Variants in SH3GLB1 observed in about 807,000 individuals in gnomAD.
SH3GLB1 encodes SH3 domain containing GRB2 like, endophilin B1.
A neutral mutation model predicts 42.0 loss-of-function variants in SH3GLB1; 17 were observed. That is an observed-to-expected ratio of 0.40 (90% CI 0.28 to 0.61). The LOEUF (loss-of-function observed/expected upper bound fraction) is 0.61. Among genes scored for constraint, SH3GLB1 ranks in the 20% least tolerant of loss-of-function variants. SH3GLB1 has a pLI of 0.36. For synonymous variants in SH3GLB1, 132 were observed against 146.6 expected, an observed-to-expected ratio of 0.90 and a Z score of 0.72; for missense variants, 355 against 426.3, an observed-to-expected ratio of 0.83 and a Z score of 1.47.
chr1:86,716,168 T>C (rs1654516811), intron 2 of SH3GLB1, among the ~76,000 whole-genome samples: 1 of 152,270 alleles, frequency 6.6e-6, no homozygotes, highest in Non-Finnish European at 1.5e-5. Context: ...CTTTTTCATC[T>C]AGGGAAGAAT....
chr1:86,742,472 C>A (rs774231102), intron 8 of SH3GLB1, 36 bp downstream of exon 8: 56 of 1,468,050 alleles, frequency 3.8e-5, no homozygotes, highest in Non-Finnish European at 5.3e-5. Context: ...AAATATATCA[C>A]GAATTGACAT....
In SH3GLB1 at chr1:86,747,295, T is replaced by C. The variant is rs188996159; in HGVS notation, c.*4060T>C. 1 of 152,598 alleles carries C rather than the reference T, an allele frequency of 6.6e-6. No homozygotes were observed. The highest frequency in any genetic ancestry group is 1.5e-5 in the Non-Finnish European group (1 of 68,044). The allele number at this position is 152,598 out of a possible 1,614,324, so 9.5% of individuals were successfully genotyped here. A position where few individuals can be genotyped will look rare whatever the true frequency, so the allele number is the denominator to read the frequency against. On this transcript the variant is annotated 3_prime_UTR_variant, in exon 9 of 9. Transcript: ENST00000370558. The stretch of plus-strand genomic sequence containing the variant: ...AAATTTTTGTTGAATGAAAGAAAAA[T>C]GCAAATTTATAAGCCTTTTCAGAGA...
intron 7 of SH3GLB1, among the ~76,000 whole-genome samples, chr1:86,735,415 A>T (rs1390627129): frequency 6.6e-6 from 1 of 152,196 alleles, no homozygotes; most frequent in Non-Finnish European, 1.5e-5. Flanking sequence ...CAGTGCTGTA[A>T]GGTTAAAAGT....
Position 86,728,375 on chromosome 1 carries a change from GTTCT to G in SH3GLB1, c.570+3973_570+3976del, listed in dbSNP as rs772008494. On this transcript the variant is annotated intron_variant, in intron 5 of 8. Transcript: ENST00000370558. ...TTCACTGTGTTCATTGGTATAATGT[GTTCT>G]TTGTCTCTTACTATGCACTTAAGCA... is the stretch of plus-strand genomic sequence containing the variant. 22 of 1,298,872 alleles carry G rather than the reference GTTCT, an allele frequency of 1.7e-5. No homozygotes were observed. In the African/African-American group the frequency reaches 2.9e-4, roughly 17 times the overall value. 80.5% of individuals were successfully genotyped at this position (1,298,872 alleles called of 1,614,324 possible).
chr1:86,728,264 G>A (rs1655306463), intron 5 of SH3GLB1: 1 of 427,542 alleles, frequency 2.3e-6, no homozygotes, highest in African/African-American at 2.1e-5. Context: ...AACAATAAAT[G>A]TAGTGGGGGT....
At chr1:86,741,493 C>G (rs1656055778) in intron 7 of SH3GLB1, among the ~76,000 whole-genome samples, 1 of 152,064 alleles carries the variant, frequency 6.6e-6, no homozygotes, top group African/African-American at 2.4e-5. Context: ...TCACTAATTT[C>G]TAATAGAAAA....
intron 7 of SH3GLB1, among the ~76,000 whole-genome samples, chr1:86,740,614 A>G (rs372456618): frequency 7.9e-5 from 12 of 152,188 alleles, no homozygotes; most frequent in East Asian, 5.8e-4. Context: ...GCGATGGTCA[A>G]AGAATGGGAT....
At chr1:86,705,052 CG>C in intron 1 of SH3GLB1, 81 bp downstream of exon 1, 1 of 928,108 alleles carries the variant, frequency 1.1e-6, no homozygotes, top group Non-Finnish European at 1.6e-6. Context: ...GCGGCGCCCC[CG>C]GGCCTCGCCG....
chr1:86,724,892 A>AATATATATATATATATATATATATAT (rs58927851), intron 5 of SH3GLB1, among the ~76,000 whole-genome samples: 41 of 99,556 alleles, frequency 4.1e-4, no homozygotes, highest in African/African-American at 6.0e-4. Flanking sequence ...AAAAAAAAAA[A>AATATATATATATATATATATATATAT]ATATATATAT....
In SH3GLB1 at chr1:86,745,017, T is replaced by C. The variant is rs968031789; in HGVS notation, c.*1782T>C. The C allele has an allele frequency of 6.6e-6, 1 of 152,220 alleles. No homozygotes were observed. Among genetic ancestry groups the C allele is most frequent in the African/African-American group, 2.4e-5 (1 of 41,450 alleles). 9.4% of individuals were successfully genotyped at this position (152,220 alleles called of 1,614,324 possible). On this transcript the variant is annotated 3_prime_UTR_variant, in exon 9 of 9. Transcript: ENST00000370558. ...AGCCTAGAGTACCATCTATTGTGTTTTATAAGTCCAGATTTAGGCTTTGAA... is the reference window on the plus strand; with the variant it reads ...AGCCTAGAGTACCATCTATTGTGTTCTATAAGTCCAGATTTAGGCTTTGAA...
At chr1:86,724,890 A>ATATATATATATATAT (rs1349915743) in intron 5 of SH3GLB1, among the ~76,000 whole-genome samples, 4 of 102,976 alleles carry the variant, frequency 3.9e-5, no homozygotes, top group African/African-American at 9.5e-5. Context: ...AAAAAAAAAA[A>ATATATATATATATAT]AAATATATAT....
chr1:86,712,250 T>A (rs143259688), intron 1 of SH3GLB1, among the ~76,000 whole-genome samples: 30 of 152,288 alleles, frequency 2.0e-4, no homozygotes, highest in African/African-American at 6.0e-4. Context: ...ATTGAATATC[T>A]TGTAGAAAGC....
chr1:86,742,497 T>C, intron 8 of SH3GLB1, 61 bp downstream of exon 8: 4 of 1,258,130 alleles, frequency 3.2e-6, no homozygotes, highest in Non-Finnish European at 4.6e-6. Context: ...TCTAATATTA[T>C]AACAAAATGC....
In SH3GLB1 at chr1:86,726,202, T is replaced by A. The variant is rs150979342; in HGVS notation, c.570+1797T>A. Among the ~76,000 whole-genome samples, 1,189 of 152,210 alleles carry A rather than the reference T, an allele frequency of 7.8e-3. 5 individuals are homozygous for A. The highest frequency in any genetic ancestry group is 0.013 in the Non-Finnish European group (889 of 67,926). On this transcript the variant is annotated intron_variant, in intron 5 of 8. Coordinates refer to ENST00000370558, the MANE Select transcript of SH3GLB1 (RefSeq NM_016009.5). ...ATGCCTATATGTGCCCAGTGATAAT[T>A]GTGGAATAAAAATACTGTTACCAAG...
chr1:86,736,485 A>G (rs1250684187), intron 7 of SH3GLB1, among the ~76,000 whole-genome samples: 3 of 152,168 alleles, frequency 2.0e-5, no homozygotes, highest in Admixed American at 2.0e-4. Context: ...TTGAGGTTTT[A>G]TTAGTGGTGT....
rs1230774626 is a variant in SH3GLB1, at chr1:86,719,530, T to G, written c.238T>G (p.Tyr80Asp). 6.2e-7 allele frequency: 1 copy of G among 1,610,420 alleles called. No individual in the cohort carries two copies. Among genetic ancestry groups the G allele is most frequent in the South Asian group, 1.1e-5 (1 of 90,660 alleles). ...NPNARIEEFV[Y>D]EKLDRKAPSR... ...AGATGCCAGGATAGAAGAATTTGTT[T>G]ATGAGAAACTGGATAGAAAAGCTCC... Residue 80 changes from tyrosine to aspartate, a missense_variant, in exon 3 of 9, where the codon TAT becomes GAT. Coordinates refer to ENST00000370558, the MANE Select transcript of SH3GLB1 (RefSeq NM_016009.5).
At chr1:86,731,562 A>C (rs1655511288) in intron 5 of SH3GLB1, among the ~76,000 whole-genome samples, 1 of 152,166 alleles carries the variant, frequency 6.6e-6, no homozygotes, top group African/African-American at 2.4e-5. Flanking sequence ...CAGGTTGAAC[A>C]AAAAAACTAG....
At chr1:86,717,894 T>C (rs1360762098) in intron 2 of SH3GLB1, among the ~76,000 whole-genome samples, 2 of 152,226 alleles carry the variant, frequency 1.3e-5, no homozygotes, top group Non-Finnish European at 2.9e-5. Flanking sequence ...ATTTAAGATT[T>C]TATTATAACC....
chr1:86,722,212 A>G (rs1262814380), intron 3 of SH3GLB1, among the ~76,000 whole-genome samples: 2 of 148,858 alleles, frequency 1.3e-5, no homozygotes, highest in Non-Finnish European at 3.0e-5. Flanking sequence ...GGTTGAATCC[A>G]TGGATGCAGA....
Sources: allele counts gnomAD v4.1 joint callset (sites outside exome capture counted in the v4.1 genomes callset), GRCh38; gene constraint gnomAD v4.1.1; transcripts MANE v1.5; gene names NCBI Gene and HGNC (gene_info 2026-07-23, HGNC 2026-07-21).